The following RDX variants were observed in gnomAD, a reference collection of about 807,000 sequenced individuals.
The protein encoded by RDX is radixin.
In RDX, 32 loss-of-function variants were observed where a neutral mutation model predicts 83.7. The ratio of observed to expected loss-of-function variants is 0.38; its 90% CI spans 0.29 to 0.51. The LOEUF (loss-of-function observed/expected upper bound fraction) is 0.51. RDX is among the 20% of genes least tolerant of loss of function. The probability of loss-of-function intolerance (pLI) is 0.87; values close to 1 mark genes in which losing one functional copy is unlikely to be tolerated. For missense variants in RDX, 600 were observed against 689.9 expected, an observed-to-expected ratio of 0.87 and a Z score of 1.46; for synonymous variants, 229 against 222.7, an observed-to-expected ratio of 1.03 and a Z score of -0.25.
intron 3 of RDX, among the ~76,000 whole-genome samples, chr11:110,265,109 G>GTTTTTTTTTT (rs71053876): frequency 1.1e-4 from 10 of 90,694 alleles, no homozygotes; most frequent in Non-Finnish European, 1.5e-4. Flanking sequence ...TTTTTTTTTT[G>GTTTTTTTTTT]TTTTTTTTTT....
chr11:110,279,930 G>T (rs1860686822), intron 1 of RDX, among the ~76,000 whole-genome samples, 174 bp from the exon 2 acceptor site: 1 of 152,162 alleles, frequency 6.6e-6, no homozygotes, highest in South Asian at 2.1e-4. Context: ...TCCCTAAGAA[G>T]ACTGAAATCT....
At chr11:110,213,123 G>A (rs2134260113) in intron 14 of RDX, among the ~76,000 whole-genome samples, 2 of 152,066 alleles carry the variant, frequency 1.3e-5, no homozygotes, top group Middle Eastern at 6.8e-3. Context: ...AAGCTGATAA[G>A]CAACTTCAGC....
At chr11:110,244,964 G>GTT (rs200267779) in intron 10 of RDX, among the ~76,000 whole-genome samples, 62 of 136,286 alleles carry the variant, frequency 4.5e-4, no homozygotes, top group Admixed American at 8.8e-4. Context: ...GTACTTCAAA[G>GTT]TTTTTTTTTT....
chr11:110,244,874 T>C (rs900048606), intron 10 of RDX, among the ~76,000 whole-genome samples: 1 of 152,054 alleles, frequency 6.6e-6, no homozygotes, highest in Non-Finnish European at 1.5e-5. Flanking sequence ...TTGTCTATCA[T>C]GTTCAGGGCA....
At chr11:110,268,671 T>C (rs890696564) in intron 3 of RDX, among the ~76,000 whole-genome samples, 4 of 152,100 alleles carry the variant, frequency 2.6e-5, no homozygotes, top group East Asian at 1.9e-4. Flanking sequence ...CTTTAGACTA[T>C]TACACAAATA....
At chr11:110,254,340 C>A (rs1035130625) in intron 8 of RDX, among the ~76,000 whole-genome samples, 1 of 152,126 alleles carries the variant, frequency 6.6e-6, no homozygotes, top group African/African-American at 2.4e-5. Flanking sequence ...ATATTCTTAT[C>A]CTTGCAATAC....
chr11:110,289,684 A>T (rs1565338112), intron 1 of RDX, among the ~76,000 whole-genome samples: 2 of 152,122 alleles, frequency 1.3e-5, no homozygotes, highest in East Asian at 3.9e-4. Flanking sequence ...TGGGAAGCCA[A>T]GGCGGGTGAA....
chr11:110,260,786 C>T (rs538964947), intron 5 of RDX, among the ~76,000 whole-genome samples: 1 of 152,288 alleles, frequency 6.6e-6, no homozygotes, highest in African/African-American at 2.4e-5. Context: ...CTCTTGTATA[C>T]TTTCAATCAT....
intron 10 of RDX, among the ~76,000 whole-genome samples, chr11:110,243,286 T>C (rs1243969700): frequency 6.6e-6 from 1 of 152,174 alleles, no homozygotes; most frequent in South Asian, 2.1e-4. Flanking sequence ...GTATTTAAGA[T>C]AAGGGATACT....
intron 3 of RDX, among the ~76,000 whole-genome samples, chr11:110,269,803 CGAGGGAGGCG>C (rs1449375558): frequency 1.3e-5 from 2 of 151,950 alleles, no homozygotes; most frequent in Admixed American, 6.6e-5. Flanking sequence ...TTTGGGAGGC[CGAGGGAGGCG>C]GATCACTTGA....
At chr11:110,290,345 G>A (rs1264580296) in intron 1 of RDX, among the ~76,000 whole-genome samples, 3 of 151,820 alleles carry the variant, frequency 2.0e-5, no homozygotes, top group African/African-American at 4.8e-5. Context: ...GTGAGACCCC[G>A]TGTCTACAAA....
chr11:110,209,761 A>G (rs1009746502), intron 14 of RDX, among the ~76,000 whole-genome samples: 9 of 145,004 alleles, frequency 6.2e-5, no homozygotes, highest in East Asian at 2.1e-4. Flanking sequence ...ACTCCAACAG[A>G]CCTGCAGCTG....
downstream of RDX, among the ~76,000 whole-genome samples, chr11:110,229,267 A>G (rs1043184984): frequency 6.6e-6 from 1 of 152,034 alleles, no homozygotes; most frequent in South Asian, 2.1e-4. Flanking sequence ...CCACAGAATT[A>G]ATCACTATTA....
chr11:110,288,015 T>A (rs1861056211), intron 1 of RDX, among the ~76,000 whole-genome samples: 1 of 152,232 alleles, frequency 6.6e-6, no homozygotes. Context: ...GTCAAGAGAC[T>A]ACCTCTAAAG....
At chr11:110,208,622 C>A (rs1421120550) in intron 14 of RDX, among the ~76,000 whole-genome samples, 1 of 152,162 alleles carries the variant, frequency 6.6e-6, no homozygotes, top group South Asian at 2.1e-4. Context: ...TTCTTGAGCA[C>A]AGACTCTTCT....
rs982791503 is a variant in RDX at position 110,230,196 on chromosome 11, A to C, written c.*1673T>G. 2 of 152,194 alleles carry C rather than the reference A, an allele frequency of 1.3e-5. No homozygotes were observed. Among genetic ancestry groups the C allele is most frequent in the African/African-American group, 4.8e-5 (2 of 41,462 alleles). The allele number at this position is 152,194 out of a possible 1,614,324, so 9.4% of individuals were successfully genotyped here. A position where few individuals can be genotyped will look rare whatever the true frequency, so the allele number is the denominator to read the frequency against. On this transcript the variant is annotated 3_prime_UTR_variant, in exon 14 of 14. Coordinates refer to ENST00000645495, the MANE Select transcript of RDX (RefSeq NM_002906.4). The stretch of plus-strand genomic sequence containing the variant: ...CATGAAAATGTTTAATAAAATGGCA[A>C]TTTTAATAGATAAATGTAAATTTGA...
chr11:110,232,771 T>C (rs1354775413), intron 13 of RDX, among the ~76,000 whole-genome samples: 1 of 152,012 alleles, frequency 6.6e-6, no homozygotes, highest in Non-Finnish European at 1.5e-5. Context: ...CATACCACCA[T>C]ACCCGGCTAA....
intron 3 of RDX, 38 bp downstream of exon 3, chr11:110,272,498 A>T: frequency 7.9e-7 from 1 of 1,258,982 alleles, no homozygotes; most frequent in Non-Finnish European, 1.2e-6. Flanking sequence ...CATTCACACT[A>T]TGGTGTCAAA....
rs551300652 is a variant in RDX, at chr11:110,230,692, A to G, written c.*1177T>C. Reference sequence around the variant, plus strand: ...ATAGTATACCAGTGAGGAGCTTACAATTTTAATACAAATCAGAATCCCACA... The same window carrying G: ...ATAGTATACCAGTGAGGAGCTTACAGTTTTAATACAAATCAGAATCCCACA... On this transcript the variant is annotated 3_prime_UTR_variant, in exon 14 of 14. Coordinates refer to ENST00000645495, the MANE Select transcript of RDX (RefSeq NM_002906.4). 1 of 152,578 alleles carries G rather than the reference A, an allele frequency of 6.6e-6. No homozygotes were observed. Among genetic ancestry groups the G allele is most frequent in the African/African-American group, 2.4e-5 (1 of 41,514 alleles). The allele number at this position is 152,578 out of a possible 1,614,324, so 9.5% of individuals were successfully genotyped here.
Sources: allele counts gnomAD v4.1 joint callset (sites outside exome capture counted in the v4.1 genomes callset), GRCh38; gene constraint gnomAD v4.1.1; transcripts MANE v1.5; gene names NCBI Gene and HGNC (gene_info 2026-07-23, HGNC 2026-07-21).